Variants in STXBP5L observed in about 807,000 individuals in gnomAD.
The protein encoded by STXBP5L is syntaxin binding protein 5L.
Under a neutral mutation model 144.5 loss-of-function variants are expected in STXBP5L, and 65 were observed. The ratio of observed to expected loss-of-function variants is 0.45; its 90% CI spans 0.37 to 0.55. The LOEUF is 0.55. STXBP5L is among the 20% of genes least tolerant of loss of function. The pLI is 0.00. For missense variants in STXBP5L, 1,298 were observed against 1,405.5 expected, an observed-to-expected ratio of 0.92 and a Z score of 1.22; for synonymous variants, 505 against 469.6, an observed-to-expected ratio of 1.08 and a Z score of -0.97.
At chr3:121,071,380 G>T (rs2331526) in intron 5 of STXBP5L, among the ~76,000 whole-genome samples, 2 of 152,242 alleles carry the variant, frequency 1.3e-5, no homozygotes, top group South Asian at 2.1e-4. Flanking sequence ...GCAGGGCTCA[G>T]TGTTTCCTCA....
intron 10 of STXBP5L, among the ~76,000 whole-genome samples, chr3:121,217,829 AG>A (rs1251071655): frequency 1.3e-5 from 2 of 151,732 alleles, no homozygotes; most frequent in Non-Finnish European, 2.9e-5. Context: ...AATGCCTGAG[AG>A]GTTCTTCCAT....
At chr3:121,403,138 A>G (rs1466391848) in intron 22 of STXBP5L, among the ~76,000 whole-genome samples, 1 of 151,908 alleles carries the variant, frequency 6.6e-6, no homozygotes, top group Non-Finnish European at 1.5e-5. Context: ...ACATCTACCA[A>G]CCTATCTGCT....
chr3:120,953,585 G>T (rs1212913139), intron 2 of STXBP5L, among the ~76,000 whole-genome samples: 2 of 148,556 alleles, frequency 1.3e-5, no homozygotes, highest in Admixed American at 6.8e-5. Context: ...CAATCCTCCT[G>T]CTTTGGCCTC....
chr3:120,944,348 A>T (rs971487956), intron 2 of STXBP5L, among the ~76,000 whole-genome samples: 1 of 151,700 alleles, frequency 6.6e-6, no homozygotes, highest in Admixed American at 6.6e-5. Context: ...AATTATCTTA[A>T]TATGTCCTAT....
At chr3:121,348,339 T>A (rs1374370813) in intron 20 of STXBP5L, among the ~76,000 whole-genome samples, 1 of 152,184 alleles carries the variant, frequency 6.6e-6, no homozygotes, top group Non-Finnish European at 1.5e-5. Context: ...GGTTTTGATG[T>A]GCTGCTGGAT....
chr3:121,394,572 C>T (rs1051368306), intron 22 of STXBP5L, among the ~76,000 whole-genome samples: 8 of 146,936 alleles, frequency 5.4e-5, no homozygotes, highest in Non-Finnish European at 1.2e-4. Context: ...TATTTTGAAG[C>T]ATATTCTTTG....
intron 10 of STXBP5L, among the ~76,000 whole-genome samples, chr3:121,211,311 C>G (rs1034622067): frequency 3.3e-5 from 5 of 152,142 alleles, no homozygotes; most frequent in African/African-American, 1.2e-4. Flanking sequence ...TGCTTATCAG[C>G]TTAAGGAGAT....
At chr3:121,045,358 T>C in intron 4 of STXBP5L, 77 bp from the exon 5 acceptor site, 1 of 1,316,440 alleles carries the variant, frequency 7.6e-7, no homozygotes, top group Non-Finnish European at 1.0e-6. Flanking sequence ...AAACATTGAG[T>C]AAATTAGCTT....
At chr3:121,063,629 G>T (rs1435554318) in intron 5 of STXBP5L, among the ~76,000 whole-genome samples, 1 of 152,174 alleles carries the variant, frequency 6.6e-6, no homozygotes, top group Non-Finnish European at 1.5e-5. Context: ...CCAGGGAGAT[G>T]AGAGTTTTAT....
chr3:121,030,858 G>A (rs1199153791), intron 3 of STXBP5L, among the ~76,000 whole-genome samples: 1 of 151,968 alleles, frequency 6.6e-6, no homozygotes, highest in Non-Finnish European at 1.5e-5. Context: ...ATCAATTAAA[G>A]CAATAGCTCC....
chr3:120,957,266 G>C (rs1938136171), intron 3 of STXBP5L, among the ~76,000 whole-genome samples: 1 of 151,896 alleles, frequency 6.6e-6, no homozygotes, highest in South Asian at 2.1e-4. Context: ...TTTGAAATTA[G>C]ATGAATTTTC....
chr3:121,135,061 G>C (rs2045184139), intron 7 of STXBP5L, among the ~76,000 whole-genome samples: 1 of 152,148 alleles, frequency 6.6e-6, no homozygotes, highest in South Asian at 2.1e-4. Context: ...ATCTTCTCCA[G>C]CACCTGTTGT....
In STXBP5L at chr3:121,235,957, CT is replaced by C. The variant is rs570810100; in HGVS notation, c.1184+2270del. Among the ~76,000 whole-genome samples, 16 of 152,088 alleles carry C rather than the reference CT, an allele frequency of 1.1e-4. No individual in the cohort carries two copies. In the East Asian group the frequency reaches 3.1e-3, roughly 29 times the overall value. On this transcript the variant is annotated intron_variant, in intron 12 of 26. Transcript: ENST00000471454. ...TGTTTTGTAACAAGCACCTCCTACCCTAAAAAAACACAGTGTGTCAGAAGTT... is the reference window on the plus strand; with the variant it reads ...TGTTTTGTAACAAGCACCTCCTACCCAAAAAAACACAGTGTGTCAGAAGTT...
chr3:120,973,617 T>C (rs555398116), intron 3 of STXBP5L, among the ~76,000 whole-genome samples: 104 of 152,224 alleles, frequency 6.8e-4, no homozygotes, highest in African/African-American at 2.5e-3. Context: ...TATGTATACT[T>C]GTGCCATTCT....
chr3:121,172,007 T>A (rs1046725440), intron 9 of STXBP5L, among the ~76,000 whole-genome samples: 2 of 152,132 alleles, frequency 1.3e-5, no homozygotes, highest in African/African-American at 4.8e-5. Flanking sequence ...AACTGATATA[T>A]AGACCAATGG....
intron 10 of STXBP5L, among the ~76,000 whole-genome samples, chr3:121,207,879 T>C (rs1198587491): frequency 2.0e-5 from 3 of 152,158 alleles, no homozygotes; most frequent in Non-Finnish European, 4.4e-5. Flanking sequence ...TTTTACACTG[T>C]TGGTGGGACT....
intron 7 of STXBP5L, 91 bp from the exon 8 acceptor site, chr3:121,152,386 T>C (rs2045963028): frequency 4.4e-6 from 4 of 901,822 alleles, no homozygotes; most frequent in Non-Finnish European, 6.8e-6. Flanking sequence ...TGTTATGTGG[T>C]ATGATTTTAC....
rs113456891 is a variant in STXBP5L, at chr3:121,196,253, G to A, written c.878-9670G>A. On this transcript the variant is annotated intron_variant, in intron 9 of 26. Transcript: ENST00000471454. ...TGGCTCACCGCAACCTCTGCCTCCC[G>A]GGTTCAAGCAATTCTCCTGCCTCAG... Among the ~76,000 whole-genome samples, 1,239 of 151,478 alleles carry A rather than the reference G, an allele frequency of 8.2e-3. 8 individuals carry two copies. Among genetic ancestry groups the A allele is most frequent in the African/African-American group, 0.011 (442 of 41,288 alleles).
chr3:121,153,978 G>T (rs1373494819), intron 8 of STXBP5L, among the ~76,000 whole-genome samples: 1 of 151,652 alleles, frequency 6.6e-6, no homozygotes, highest in Non-Finnish European at 1.5e-5. Flanking sequence ...AACACCATGG[G>T]AATATTTAGC....
Sources: gnomAD v4.1 joint callset for allele counts (sites outside exome capture counted in the v4.1 genomes callset) on GRCh38, gnomAD v4.1.1 for gene constraint, MANE v1.5 for transcripts, NCBI Gene and HGNC (gene_info 2026-07-23, HGNC 2026-07-21) for gene names.